Variants in ANKRD12 observed in about 807,000 individuals in gnomAD.
The protein encoded by ANKRD12 is ankyrin repeat domain-containing protein 12.
A neutral mutation model predicts 183.4 loss-of-function variants in ANKRD12; 85 were observed. The ratio of observed to expected loss-of-function variants is 0.46; its 90% confidence interval spans 0.39 to 0.56. ANKRD12 has a LOEUF of 0.56. Among genes scored for constraint, ANKRD12 ranks in the 20% least tolerant of loss-of-function variants. The pLI, the probability that ANKRD12 is intolerant of heterozygous loss-of-function variation, is 0.00. For missense variants in ANKRD12, 2,405 were observed against 2,357.1 expected (o/e 1.02, Z -0.42); for synonymous variants, 914 against 800.2 (o/e 1.14, Z -2.40).
intron 2 of ANKRD12, among the ~76,000 whole-genome samples, chr18:9,193,198 C>A (rs751054083): frequency 6.9e-6 from 1 of 144,662 alleles, no homozygotes; most frequent in African/African-American, 2.6e-5. Flanking sequence ...AGCACAGTGG[C>A]GAAGAACATG....
intron 1 of ANKRD12, among the ~76,000 whole-genome samples, chr18:9,143,482 A>G (rs2078389674): frequency 6.6e-6 from 1 of 152,146 alleles, no homozygotes; most frequent in Non-Finnish European, 1.5e-5. Context: ...TGTTTTTAAG[A>G]CGGAGTTTCA....
intron 5 of ANKRD12, among the ~76,000 whole-genome samples, chr18:9,210,739 A>AAAAAAAAAAAAAAC (rs2035754620): frequency 6.7e-6 from 1 of 149,886 alleles, no homozygotes; most frequent in Non-Finnish European, 1.5e-5. Context: ...AAAAAAAAAA[A>AAAAAAAAAAAAAAC]TCCAAAAGAT....
Position 9,257,011 on chromosome 18 carries a change from T to A in ANKRD12, c.3744T>A (p.Pro1248=), listed in dbSNP as rs1383362311. The A allele has an allele frequency of 2.5e-6, 4 of 1,614,134 alleles. No homozygotes were observed. Among genetic ancestry groups the A allele is most frequent in the East Asian group, 2.2e-5 (1 of 44,882 alleles). ...CCCAAATGTCCTTTTCCCAGTCACCTTTTTTGTCAATTGCCAAATCTCCTG... is the reference window on the plus strand; with the variant it reads ...CCCAAATGTCCTTTTCCCAGTCACCATTTTTGTCAATTGCCAAATCTCCTG... ...SESQMSFSQS[P]FLSIAKSPAL... Residue 1248 remains proline, a synonymous_variant, in exon 9 of 13, where the codon CCT becomes CCA. Coordinates refer to ENST00000262126, the MANE Select transcript of ANKRD12 (RefSeq NM_015208.5).
intron 2 of ANKRD12, among the ~76,000 whole-genome samples, chr18:9,185,308 T>C (rs774947250): frequency 2.6e-5 from 4 of 152,166 alleles, no homozygotes; most frequent in Non-Finnish European, 5.9e-5. Flanking sequence ...TGATAAAATA[T>C]AAGTAGGAGG....
At chr18:9,202,998 A>G (rs2035264949) in intron 3 of ANKRD12, among the ~76,000 whole-genome samples, 1 of 152,204 alleles carries the variant, frequency 6.6e-6, no homozygotes, top group African/African-American at 2.4e-5. Context: ...TATTAAAATA[A>G]TATCTGCTTT....
At chr18:9,181,716 A>AT (rs917297651) in intron 1 of ANKRD12, among the ~76,000 whole-genome samples, 5 of 152,250 alleles carry the variant, frequency 3.3e-5, no homozygotes, top group African/African-American at 1.2e-4. Context: ...ACCCCTTGGA[A>AT]TTTTTTCTGG....
intron 8 of ANKRD12, among the ~76,000 whole-genome samples, chr18:9,236,485 A>G (rs1345667015): frequency 6.6e-6 from 1 of 152,222 alleles, no homozygotes; most frequent in Non-Finnish European, 1.5e-5. Context: ...AACTCAGTTG[A>G]TGAAGTGGGG....
intron 1 of ANKRD12, among the ~76,000 whole-genome samples, chr18:9,161,733 T>C (rs1024295951): frequency 6.7e-6 from 1 of 149,662 alleles, no homozygotes; most frequent in Non-Finnish European, 1.5e-5. Flanking sequence ...CTATGTGATA[T>C]GTTGATGTGT....
rs1383710888 is a variant in ANKRD12, at chr18:9,254,565, C to T, written c.1298C>T (p.Ala433Val). The T allele has an allele frequency of 3.2e-6, 5 of 1,561,444 alleles. No homozygotes were observed. The highest frequency in any genetic ancestry group is 4.3e-6 in the Non-Finnish European group (5 of 1,160,946). ...YSSTESSDEE[A>V]LQNKKISTSC... is the part of the protein sequence containing the mutation. ...AGTACTGAAAGTTCTGATGAAGAAG[C>T]TCTTCAGAATAAAAAGATTTCTACT... The change falls in exon 9 of 13, where the codon GCT (alanine) becomes GTT (valine). Residue 433 changes from alanine (A) to valine (V), a missense_variant. Transcript: ENST00000262126.
intron 1 of ANKRD12, among the ~76,000 whole-genome samples, chr18:9,148,700 G>A (rs1598391419): frequency 6.6e-6 from 1 of 151,922 alleles, no homozygotes; most frequent in East Asian, 1.9e-4. Flanking sequence ...TCCTCCCCCC[G>A]CCACAATCTG....
intron 10 of ANKRD12, among the ~76,000 whole-genome samples, chr18:9,268,907 A>C (rs527533322): frequency 6.6e-6 from 1 of 152,378 alleles, no homozygotes; most frequent in East Asian, 1.9e-4. Flanking sequence ...TTAAGCTGAT[A>C]ACCAACTTCA....
chr18:9,278,375 G>A (rs2039953343), intron 11 of ANKRD12, among the ~76,000 whole-genome samples: 1 of 152,064 alleles, frequency 6.6e-6, no homozygotes, highest in African/African-American at 2.4e-5. Flanking sequence ...AAATAAACTT[G>A]TTTGAGCACC....
In ANKRD12 at chr18:9,281,159, C is replaced by T; in HGVS notation, c.*33C>T. The T allele has an allele frequency of 6.4e-7, 1 of 1,564,116 alleles. No individual in the cohort carries two copies. Among genetic ancestry groups the T allele is most frequent in the Non-Finnish European group, 8.7e-7 (1 of 1,145,194 alleles). ...TACTTCCTGATGGTATTGTCCTAAA[C>T]TGGTGATGCTCAAGCATTATACTGT... On this transcript the variant is annotated 3_prime_UTR_variant, in exon 13 of 13. Coordinates refer to ENST00000262126, the MANE Select transcript of ANKRD12 (RefSeq NM_015208.5).
rs2036132664 is a variant in ANKRD12, at chr18:9,216,783, C to G, written c.678C>G (p.Cys226Trp). ...GTTGGACACCACTGCATGAAGCTTG[C>G]AATGTTGGATATTACGATGTTGCTA... ...FAGWTPLHEA[C>W]NVGYYDVAKI... The change falls in exon 7 of 13, where the codon TGC becomes TGG. Residue 226 changes from cysteine (C) to tryptophan (W), a missense_variant. This residue lies in a region of ANKRD12 where 39 missense variants were observed against 104.8 expected (regional missense o/e 0.37). Coordinates refer to ENST00000262126, the MANE Select transcript of ANKRD12 (RefSeq NM_015208.5). 6.2e-7 allele frequency: 1 copy of G among 1,613,110 alleles called. No homozygotes were observed. The highest frequency in any genetic ancestry group is 8.5e-7 in the Non-Finnish European group (1 of 1,179,562).
intron 2 of ANKRD12, among the ~76,000 whole-genome samples, chr18:9,183,726 G>A (rs1032072782): frequency 3.3e-5 from 5 of 151,142 alleles, no homozygotes; most frequent in South Asian, 4.2e-4. Flanking sequence ...TTTACTTCTC[G>A]CCCCCCTTTT....
chr18:9,255,497 G>C lies in ANKRD12; in HGVS notation c.2230G>C (p.Glu744Gln). 1 of 1,571,030 alleles carries C rather than the reference G, an allele frequency of 6.4e-7. No individual in the cohort carries two copies. Among genetic ancestry groups the C allele is most frequent in the African/African-American group, 1.4e-5 (1 of 72,112 alleles). ...AACCAAGGAAAAGCATGTGTCAAAA[G>C]AGAGGAACTTTAAAGAGGAACGAGA... Reference protein sequence around the residue: ...KSTKEKHVSKERNFKEERDKI... With the variant: ...KSTKEKHVSKQRNFKEERDKI... The change falls in exon 9 of 13, where the codon GAG becomes CAG. Residue 744 changes from glutamate (E) to glutamine (Q), a missense_variant. Physicochemically the swap from Glu to Gln is conservative, Grantham distance 29. Around this residue, in one of 7 missense-constraint regions of ANKRD12, gnomAD observed 1,983 missense variants for 1,725.9 expected, o/e 1.15. Transcript: ENST00000262126.
intron 8 of ANKRD12, among the ~76,000 whole-genome samples, chr18:9,245,237 C>T (rs2037889245): frequency 1.3e-5 from 2 of 151,752 alleles, no homozygotes; most frequent in South Asian, 4.2e-4. Context: ...ATTACTTGAG[C>T]CCAGGAGTTC....
chr18:9,201,187 A>G (rs2035144079), intron 3 of ANKRD12, among the ~76,000 whole-genome samples: 1 of 152,240 alleles, frequency 6.6e-6, no homozygotes, highest in Non-Finnish European at 1.5e-5. Flanking sequence ...ATCGTATAAT[A>G]TCTGCCCCCA....
At chr18:9,145,262 G>A (rs528747382) in intron 1 of ANKRD12, among the ~76,000 whole-genome samples, 1 of 152,252 alleles carries the variant, frequency 6.6e-6, no homozygotes, top group African/African-American at 2.4e-5. Flanking sequence ...AGCTGGGATT[G>A]CAGGCATATG....
Sources: gnomAD v4.1 joint callset for allele counts (sites outside exome capture counted in the v4.1 genomes callset) on GRCh38, gnomAD v4.1.1 for gene constraint, gnomAD v4.1.1 regional missense constraint, MANE v1.5 for transcripts, NCBI Gene and HGNC (gene_info 2026-07-23, HGNC 2026-07-21) for gene names.